The following HTATIP2 variants were observed in gnomAD, a reference collection of about 807,000 sequenced individuals.
HTATIP2 encodes the protein protein HTATIP2.
In HTATIP2, 26 loss-of-function variants were observed where a neutral mutation model predicts 24.7. The observed-to-expected ratio is 1.05, with a 90% CI of 0.77 to 1.46. HTATIP2 has a LOEUF of 1.46. Among genes scored for constraint, HTATIP2 ranks in the 40% most tolerant of loss-of-function variants. The pLI is 0.00. For missense variants in HTATIP2, 284 were observed against 289.6 expected (o/e 0.98, Z 0.14); for synonymous variants, 99 against 113.2 (o/e 0.87, Z 0.79).
chr11:20,375,850 T>G (rs866558284), intron 2 of HTATIP2, among the ~76,000 whole-genome samples: 10 of 152,284 alleles, frequency 6.6e-5, no homozygotes, highest in Middle Eastern at 6.8e-3. Flanking sequence ...CCTCCCCCTT[T>G]TATTGCCACT....
At chr11:20,376,491 GC>G (rs1848448780) in intron 2 of HTATIP2, 88 bp from the exon 3 acceptor site, 1 of 1,397,822 alleles carries the variant, frequency 7.2e-7, no homozygotes, top group South Asian at 1.2e-5. Flanking sequence ...ATCCTTCTAG[GC>G]CTCCCAGCCT....
chr11:20,368,255 A>G (rs146953680), intron 2 of HTATIP2, among the ~76,000 whole-genome samples: 2,541 of 152,210 alleles, frequency 0.017, 76 homozygotes, highest in African/African-American at 0.058. Flanking sequence ...TATAAGCCAG[A>G]CCCCTTCACC....
Position 20,382,163 on chromosome 11 carries a change from G to T in HTATIP2, c.442-15G>T, listed in dbSNP as rs760617501. 1 of 1,520,660 alleles carries T rather than the reference G, an allele frequency of 6.6e-7. No homozygotes were observed. The highest frequency in any genetic ancestry group is 1.1e-5 in the South Asian group (1 of 88,914). 94.2% of individuals were successfully genotyped at this position (1,520,660 alleles called of 1,614,324 possible). A position where few individuals can be genotyped will look rare whatever the true frequency, so the allele number is the denominator to read the frequency against. On this transcript the variant is annotated splice_polypyrimidine_tract_variant and intron_variant, in intron 3 of 4. Coordinates refer to ENST00000451739, the MANE Select transcript of HTATIP2 (RefSeq NM_001098522.2). ...GGTCGCGATTAAATACTGAAAATGT[G>T]TTTTTTCTTAATAGGGAGAAGTAGA...
Position 20,364,171 on chromosome 11 carries a change from C to T in HTATIP2, c.-67C>T, listed in dbSNP as rs531502343. ...CCTAACAGATAAACAGCCCTTGTTC[C>T]TCGGGATAAGGACTGGCAGTCCCCT... On this transcript the variant is annotated 5_prime_UTR_variant, in exon 1 of 5. Coordinates refer to ENST00000451739, the MANE Select transcript of HTATIP2 (RefSeq NM_001098522.2). 2.0e-6 allele frequency: 3 copies of T among 1,512,214 alleles called. No homozygotes were observed. Among genetic ancestry groups the T allele is most frequent in the Admixed American group, 2.2e-5 (1 of 46,264 alleles). 93.7% of individuals were successfully genotyped at this position (1,512,214 alleles called of 1,614,324 possible).
At chr11:20,370,952 A>G (rs2064766766) in intron 2 of HTATIP2, among the ~76,000 whole-genome samples, 1 of 152,164 alleles carries the variant, frequency 6.6e-6, no homozygotes, top group African/African-American at 2.4e-5. Flanking sequence ...CCCGGCCTAT[A>G]TTTTTAACTG....
rs1346668015 is a variant in HTATIP2 at position 20,364,405 on chromosome 11, C to A, written c.168C>A (p.Thr56=). 4 of 1,608,922 alleles carry A rather than the reference C, an allele frequency of 2.5e-6. No individual in the cohort carries two copies. Among genetic ancestry groups the A allele is most frequent in the Non-Finnish European group, 3.4e-6 (4 of 1,176,626 alleles). Residue 56 remains threonine (T), a synonymous_variant, in exon 1 of 5, where the codon ACC becomes ACA. Transcript: ENST00000451739. ...KVTLIGRRKL[T]FDEEAYKNVN... is the part of the protein sequence containing the mutation. ...CGCTCATTGGCCGGAGGAAGCTCACCTTCGACGAGGAAGCTTATAAAAATG... is the reference window on the plus strand; with the variant it reads ...CGCTCATTGGCCGGAGGAAGCTCACATTCGACGAGGAAGCTTATAAAAATG...
In HTATIP2 at chr11:20,364,261, G is replaced by A. The variant is rs1381776422; in HGVS notation, c.24G>A (p.Ser8=). MAETEAL[S]KLREDFRMQN... is the part of the protein sequence containing the mutation. ...GCATGGCCGAAACAGAAGCCCTGTCGAAGCTTCGGGAAGACTTCAGGATGC... is the reference window on the plus strand; with the variant it reads ...GCATGGCCGAAACAGAAGCCCTGTCAAAGCTTCGGGAAGACTTCAGGATGC... The change falls in exon 1 of 5, where the codon TCG becomes TCA. Residue 8 remains serine, a synonymous_variant. Transcript: ENST00000451739. 1.9e-6 allele frequency: 3 copies of A among 1,606,814 alleles called. No individual in the cohort carries two copies. Among genetic ancestry groups the A allele is most frequent in the Non-Finnish European group, 2.6e-6 (3 of 1,174,588 alleles).
At position 20,363,827 on chromosome 11, in the gene HTATIP2, G is replaced by C; in HGVS notation, c.-411G>C. 1 of 1,245,920 alleles carries C rather than the reference G, an allele frequency of 8.0e-7. No homozygotes were observed. The highest frequency in any genetic ancestry group is 1.0e-6 in the Non-Finnish European group (1 of 990,646). The allele number at this position is 1,245,920 out of a possible 1,614,324, so 77.2% of individuals were successfully genotyped here. On this transcript the variant is annotated 5_prime_UTR_variant, in exon 1 of 5. Transcript: ENST00000451739. Reference sequence around the variant, plus strand: ...GGATGCTCTGATGGCCGGGCCTGCGGCGCTGAGCGCGGCGGCGGCGGCTGC... The same window carrying C: ...GGATGCTCTGATGGCCGGGCCTGCGCCGCTGAGCGCGGCGGCGGCGGCTGC...
At position 20,383,027 on chromosome 11, in the gene HTATIP2, T is replaced by C; in HGVS notation, c.551T>C (p.Val184Ala). 1 of 1,613,770 alleles carries C rather than the reference T, an allele frequency of 6.2e-7. No individual in the cohort carries two copies. The highest frequency in any genetic ancestry group is 8.5e-7 in the Non-Finnish European group (1 of 1,179,944). The change falls in exon 5 of 5, where the codon GTT becomes GCT. Residue 184 changes from valine to alanine, a missense_variant. Coordinates refer to ENST00000451739, the MANE Select transcript of HTATIP2 (RefSeq NM_001098522.2). ...GAATCTCGCCCAGGTGAATGGCTGG[T>C]TAGAAAGTTCTTTGGCTCCTTACCA... ...RQESRPGEWLVRKFFGSLPDS... is the reference protein window; with the variant it reads ...RQESRPGEWLARKFFGSLPDS...
rs1321321475 is a variant in HTATIP2 at position 20,383,113 on chromosome 11, A to C, written c.637A>C (p.Asn213His). 5.0e-6 allele frequency: 8 copies of C among 1,614,088 alleles called. No homozygotes were observed. The Middle Eastern group carries it at 6.6e-4, about 133-fold the overall frequency. Residue 213 changes from asparagine (N) to histidine (H), a missense_variant, in exon 5 of 5, where the codon AAT becomes CAT. Physicochemically the swap from Asn to His is moderately conservative, Grantham distance 68 (BLOSUM62 1). Coordinates refer to ENST00000451739, the MANE Select transcript of HTATIP2 (RefSeq NM_001098522.2). ...GACCGTGGTTAGAGCAATGCTGAACAATGTGGTGAGACCAAGAGACAAGCA... is the reference window on the plus strand; with the variant it reads ...GACCGTGGTTAGAGCAATGCTGAACCATGTGGTGAGACCAAGAGACAAGCA... ...VVTVVRAMLN[N>H]VVRPRDKQME...
At chr11:20,366,198 T>G (rs2064704022) in intron 1 of HTATIP2, among the ~76,000 whole-genome samples, 1 of 147,842 alleles carries the variant, frequency 6.8e-6, no homozygotes, top group African/African-American at 2.5e-5. Flanking sequence ...GCTTCCTGGG[T>G]TCACGCCATT....
At chr11:20,377,948 C>G (rs1848468833) in intron 3 of HTATIP2, among the ~76,000 whole-genome samples, 1 of 152,166 alleles carries the variant, frequency 6.6e-6, no homozygotes, top group African/African-American at 2.4e-5. Context: ...CTGTGTCTAG[C>G]TCCTTCATGA....
chr11:20,376,619 T>C lies in HTATIP2; in HGVS notation c.343T>C (p.Ser115Pro). 3 of 1,614,084 alleles carry C rather than the reference T, an allele frequency of 1.9e-6. No individual in the cohort carries two copies. The African/African-American group carries it at 4.0e-5, about 22-fold the overall frequency. Residue 115 changes from serine to proline, a missense_variant, in exon 3 of 5, where the codon TCT becomes CCT. Coordinates refer to ENST00000451739, the MANE Select transcript of HTATIP2 (RefSeq NM_001098522.2). ...VRVDRDYVLK[S>P]AELAKAGGCK... The stretch of plus-strand genomic sequence containing the variant: ...TGTTGACCGAGATTATGTGCTGAAG[T>C]CTGCAGAGCTGGCAAAAGCTGGAGG...
intron 2 of HTATIP2, chr11:20,367,766 C>A: frequency 6.2e-6 from 4 of 641,532 alleles, no homozygotes; most frequent in South Asian, 5.5e-5. Context: ...CCAGCGATGA[C>A]TCAGCCTTCA....
rs566345801 is a variant in HTATIP2 at position 20,364,221 on chromosome 11, G to A, written c.-17G>A. 6.3e-7 allele frequency: 1 copy of A among 1,584,198 alleles called. No homozygotes were observed. The highest frequency in any genetic ancestry group is 8.6e-7 in the Non-Finnish European group (1 of 1,160,578). On this transcript the variant is annotated 5_prime_UTR_variant, in exon 1 of 5. Coordinates refer to ENST00000451739, the MANE Select transcript of HTATIP2 (RefSeq NM_001098522.2). ...TGACACCCTAAGACCGGCATCTGTC[G>A]ATGTTATTTCCCCAGCATGGCCGAA...
In HTATIP2 at chr11:20,368,966, C is replaced by T. The variant is rs560246467; in HGVS notation, c.303+1685C>T. On this transcript the variant is annotated intron_variant, in intron 2 of 4. Coordinates refer to ENST00000451739, the MANE Select transcript of HTATIP2 (RefSeq NM_001098522.2). ...AATAGACTAATGAGCCTAGACTATTCACCTAGCTTAGAAATGAATTAGGAC... is the reference window on the plus strand; with the variant it reads ...AATAGACTAATGAGCCTAGACTATTTACCTAGCTTAGAAATGAATTAGGAC... Among the ~76,000 whole-genome samples the T allele has an allele frequency of 1.3e-4, 20 of 152,244 alleles. No individual in the cohort carries two copies. In the South Asian group the frequency reaches 3.7e-3, roughly 28 times the overall value.
chr11:20,373,553 A>G (rs991325118), intron 2 of HTATIP2, among the ~76,000 whole-genome samples: 1 of 152,218 alleles, frequency 6.6e-6, no homozygotes, highest in African/African-American at 2.4e-5. Context: ...CGGATGAAAG[A>G]AAAAGTATTT....
chr11:20,376,734 GT>G lies in HTATIP2; in HGVS notation c.441+22del. ...CAAGTTAAGGTTTGTGCAAGTTTCTGTTTTTCATACACTTTGGAGAACCCTA... is the reference window on the plus strand; with the variant it reads ...CAAGTTAAGGTTTGTGCAAGTTTCTGTTTTCATACACTTTGGAGAACCCTA... On this transcript the variant is annotated intron_variant, in intron 3 of 4. Transcript: ENST00000451739. 6.3e-7 allele frequency: 1 copy of G among 1,592,970 alleles called. No individual in the cohort carries two copies. The highest frequency in any genetic ancestry group is 8.5e-7 in the Non-Finnish European group (1 of 1,171,926).
intron 2 of HTATIP2, among the ~76,000 whole-genome samples, chr11:20,375,288 C>A (rs1349783420): frequency 6.6e-6 from 1 of 151,898 alleles, no homozygotes; most frequent in African/African-American, 2.4e-5. Context: ...AAAAAAAAAT[C>A]AGGCCGGGCG....
Sources: allele counts gnomAD v4.1 joint callset (sites outside exome capture counted in the v4.1 genomes callset), GRCh38; gene constraint gnomAD v4.1.1; transcripts MANE v1.5; gene names NCBI Gene and HGNC (gene_info 2026-07-23, HGNC 2026-07-21).